The following DENND2A variants were observed in gnomAD, a reference collection of about 807,000 sequenced individuals.
The protein encoded by DENND2A is DENN domain containing 2A.
In DENND2A, 53 loss-of-function variants were observed where a neutral mutation model predicts 105.3. The ratio of observed to expected loss-of-function variants is 0.50; its 90% CI spans 0.40 to 0.63. DENND2A has a LOEUF of 0.63. Among genes scored for constraint, DENND2A ranks in the 30% least tolerant of loss-of-function variants. The pLI, the probability that DENND2A is intolerant of heterozygous loss-of-function variation, is 0.00. For missense variants in DENND2A, 1,138 were observed against 1,279.6 expected (o/e 0.89, Z 1.69); for synonymous variants, 522 against 508.4 (o/e 1.03, Z -0.36).
intron 1 of DENND2A, among the ~76,000 whole-genome samples, chr7:140,631,125 T>C (rs1328695741): frequency 6.6e-6 from 1 of 152,188 alleles, no homozygotes; most frequent in African/African-American, 2.4e-5. Flanking sequence ...GTGTGTCAAG[T>C]GCATTAGTGA....
At chr7:140,614,250 G>A (rs957991355) in intron 1 of DENND2A, among the ~76,000 whole-genome samples, 14 of 152,070 alleles carry the variant, frequency 9.2e-5, no homozygotes, top group Non-Finnish European at 1.9e-4. Flanking sequence ...ATTAACAGGC[G>A]TGCACCAAGA....
intron 3 of DENND2A, among the ~76,000 whole-genome samples, chr7:140,596,071 G>C (rs1188969398): frequency 6.6e-6 from 1 of 152,120 alleles, no homozygotes; most frequent in Non-Finnish European, 1.5e-5. Flanking sequence ...TCACTCACAG[G>C]GTTTCTGCTT....
intron 1 of DENND2A, among the ~76,000 whole-genome samples, chr7:140,609,610 T>C (rs933649321): frequency 4.6e-5 from 7 of 152,188 alleles, no homozygotes; most frequent in Admixed American, 6.5e-5. Context: ...TTCATATATT[T>C]TTTGTAGGCT....
chr7:140,577,552 C>T (rs1482727741), intron 5 of DENND2A, among the ~76,000 whole-genome samples: 1 of 152,098 alleles, frequency 6.6e-6, no homozygotes, highest in African/African-American at 2.4e-5. Context: ...CGAGTGCCAC[C>T]ACGCCTGGCT....
chr7:140,638,074 AT>A (rs146457792), intron 1 of DENND2A, among the ~76,000 whole-genome samples: 22 of 150,808 alleles, frequency 1.5e-4, no homozygotes, highest in African/African-American at 1.9e-4. Context: ...AGCAACGAAG[AT>A]TTTTTTTTTC....
chr7:140,623,453 G>C (rs1329459041), intron 1 of DENND2A, among the ~76,000 whole-genome samples: 3 of 151,732 alleles, frequency 2.0e-5, no homozygotes, highest in Non-Finnish European at 2.9e-5. Context: ...TGGAGGGCTG[G>C]GTGCGGTGGT....
chr7:140,544,992 AG>A (rs1239018106), intron 13 of DENND2A: 3 of 456,034 alleles, frequency 6.6e-6, no homozygotes, highest in Non-Finnish European at 8.7e-6. Flanking sequence ...TCTCACACTC[AG>A]CTATGAGACT....
chr7:140,641,050 C>T (rs575320198), upstream of DENND2A, among the ~76,000 whole-genome samples: 2 of 152,334 alleles, frequency 1.3e-5, no homozygotes, highest in East Asian at 1.9e-4. Flanking sequence ...TCCACCCAGG[C>T]CCGGGCGGAT....
chr7:140,585,572 T>C lies in DENND2A; in HGVS notation c.1245+17A>G, dbSNP rs573421276. The C allele has an allele frequency of 3.1e-6, 5 of 1,613,788 alleles. No individual in the cohort carries two copies. In the South Asian group the frequency reaches 5.5e-5, roughly 18 times the overall value. ...CTTTGGCCCCCTCTCCTGCCACCATTCCCAGGGGACTCATACCTTGGTGAG... is the reference window on the plus strand; with the variant it reads ...CTTTGGCCCCCTCTCCTGCCACCATCCCCAGGGGACTCATACCTTGGTGAG... On this transcript the variant is annotated intron_variant, in intron 5 of 19. Transcript: ENST00000496613.
intron 11 of DENND2A, among the ~76,000 whole-genome samples, chr7:140,557,529 A>ATTTTTT (rs1563139283): frequency 3.0e-5 from 1 of 32,922 alleles, no homozygotes; most frequent in African/African-American, 7.6e-5. Context: ...ATATATATAT[A>ATTTTTT]TATTTTTTTT....
At chr7:140,583,374 A>G (rs922060637) in intron 5 of DENND2A, among the ~76,000 whole-genome samples, 1 of 150,126 alleles carries the variant, frequency 6.7e-6, no homozygotes, top group African/African-American at 2.5e-5. Context: ...AGTGTTACAG[A>G]TAATCAGAGA....
At chr7:140,558,290 G>A in intron 10 of DENND2A, 78 bp from the exon 11 acceptor site, 1 of 1,147,662 alleles carries the variant, frequency 8.7e-7, no homozygotes, top group Non-Finnish European at 1.3e-6. Context: ...GCAAGGGGTG[G>A]CAGTGAGCAG....
At chr7:140,526,915 A>G (rs1387606174) in intron 15 of DENND2A, among the ~76,000 whole-genome samples, 1 of 152,118 alleles carries the variant, frequency 6.6e-6, no homozygotes, top group African/African-American at 2.4e-5. Context: ...TAAACTGGAC[A>G]CCCAGAACTT....
At chr7:140,593,163 A>G (rs1799132553) in intron 3 of DENND2A, among the ~76,000 whole-genome samples, 1 of 152,208 alleles carries the variant, frequency 6.6e-6, no homozygotes, top group South Asian at 2.1e-4. Flanking sequence ...CTTCTCTCTA[A>G]TTTAAACATT....
At chr7:140,578,259 T>C (rs1323205813) in intron 5 of DENND2A, among the ~76,000 whole-genome samples, 1 of 152,160 alleles carries the variant, frequency 6.6e-6, no homozygotes, top group African/African-American at 2.4e-5. Context: ...GGAAGCTGTG[T>C]GCCCCATCAG....
Position 140,609,616 on chromosome 7 carries a change from A to G in DENND2A, c.-247-3810T>C, listed in dbSNP as rs76922726. On this transcript the variant is annotated intron_variant, in intron 1 of 19. Transcript: ENST00000496613. The stretch of plus-strand genomic sequence containing the variant: ...ACACAAGAGTTCATATATTTTTTGT[A>G]GGCTTGAACATTTCTGTAAGTTTCA... Among the ~76,000 whole-genome samples the G allele has an allele frequency of 9.2e-3, 1,394 of 152,334 alleles. 18 individuals are homozygous for G. Among genetic ancestry groups the G allele is most frequent in the African/African-American group, 0.032 (1,310 of 41,574 alleles).
intron 1 of DENND2A, among the ~76,000 whole-genome samples, chr7:140,632,238 G>A (rs979670648): frequency 6.6e-6 from 1 of 152,164 alleles, no homozygotes; most frequent in African/African-American, 2.4e-5. Context: ...GGTGAGCTGG[G>A]AGAGGCAGTG....
chr7:140,531,381 T>C (rs997307343), intron 14 of DENND2A, among the ~76,000 whole-genome samples: 11 of 152,190 alleles, frequency 7.2e-5, no homozygotes, highest in African/African-American at 2.7e-4. Flanking sequence ...CAGACTATAG[T>C]TTGCAGCCCA....
At chr7:140,531,532 C>G (rs1263586626) in intron 14 of DENND2A, among the ~76,000 whole-genome samples, 1 of 152,142 alleles carries the variant, frequency 6.6e-6, no homozygotes. Flanking sequence ...GGTGCGGTGG[C>G]TCGTGCCTGT....
Sources: gnomAD v4.1 joint callset for allele counts (sites outside exome capture counted in the v4.1 genomes callset) on GRCh38, gnomAD v4.1.1 for gene constraint, MANE v1.5 for transcripts, NCBI Gene and HGNC (gene_info 2026-07-23, HGNC 2026-07-21) for gene names.